Variants in C12orf42 observed in about 807,000 individuals in gnomAD.
The protein encoded by C12orf42 is uncharacterized protein C12orf42.
C12orf42 carries 25 observed loss-of-function variants against 21.6 expected under a neutral mutation model. The observed-to-expected ratio is 1.16, with a 90% CI of 0.84 to 1.62. The LOEUF (loss-of-function observed/expected upper bound fraction) is 1.62, where lower values mean the gene tolerates loss of function less well. Ranked by LOEUF, C12orf42 falls within the 40% of genes most tolerant of loss-of-function variation. The probability of loss-of-function intolerance (pLI) is 0.00; values close to 1 mark genes in which losing one functional copy is unlikely to be tolerated. For missense variants in C12orf42, 483 were observed against 459.3 expected, an observed-to-expected ratio of 1.05 and a Z score of -0.47; for synonymous variants, 174 against 175.0, an observed-to-expected ratio of 0.99 and a Z score of 0.05.
chr12:103,278,203 G>T (rs983904252), intron 4 of C12orf42, among the ~76,000 whole-genome samples: 1 of 151,990 alleles, frequency 6.6e-6, no homozygotes, highest in African/African-American at 2.4e-5. Context: ...ACAATGGGGG[G>T]GCTATGTCTA....
chr12:103,123,988 G>A, the C12orf42 span, among the ~76,000 whole-genome samples: 1 of 151,828 alleles, frequency 6.6e-6, no homozygotes, highest in East Asian at 1.9e-4. Flanking sequence ...ACTTGAAGAA[G>A]TCCAGGTTCC....
At chr12:103,375,552 C>T (rs2045619602) in intron 3 of C12orf42, among the ~76,000 whole-genome samples, 1 of 152,046 alleles carries the variant, frequency 6.6e-6, no homozygotes, top group Non-Finnish European at 1.5e-5. Flanking sequence ...GGCTTATGAT[C>T]AATTAGGATA....
chr12:103,076,733 T>C, the C12orf42 span, among the ~76,000 whole-genome samples: 2 of 152,236 alleles, frequency 1.3e-5, no homozygotes, highest in African/African-American at 4.8e-5. Flanking sequence ...GAAATGTATA[T>C]ATAGCATTCA....
At chr12:103,272,702 TGA>T (rs1487700455) in intron 5 of C12orf42, among the ~76,000 whole-genome samples, 1 of 152,160 alleles carries the variant, frequency 6.6e-6, no homozygotes, top group Non-Finnish European at 1.5e-5. Flanking sequence ...TTTGAATCAC[TGA>T]GAGTCTATTT....
At chr12:103,168,994 A>C in the C12orf42 span, among the ~76,000 whole-genome samples, 2 of 151,956 alleles carry the variant, frequency 1.3e-5, no homozygotes, top group Non-Finnish European at 2.9e-5. Context: ...GGAACATCAC[A>C]CACTGGAGCC....
the C12orf42 span, among the ~76,000 whole-genome samples, chr12:103,120,227 G>C: frequency 6.6e-6 from 1 of 152,194 alleles, no homozygotes; most frequent in African/African-American, 2.4e-5. Flanking sequence ...GGGGCAATGT[G>C]TTAAGTGCAA....
chr12:103,563,649 C>G, the C12orf42 span, among the ~76,000 whole-genome samples: 2 of 152,182 alleles, frequency 1.3e-5, no homozygotes, highest in Non-Finnish European at 2.9e-5. Flanking sequence ...TGACTCACCT[C>G]TGCTCCACAA....
chr12:103,554,832 C>T, the C12orf42 span, among the ~76,000 whole-genome samples: 1 of 152,192 alleles, frequency 6.6e-6, no homozygotes, highest in African/African-American at 2.4e-5. Context: ...GCCAATGATC[C>T]AGTCACCTTC....
At chr12:103,531,321 C>A in the C12orf42 span, among the ~76,000 whole-genome samples, 1 of 152,238 alleles carries the variant, frequency 6.6e-6, no homozygotes, top group South Asian at 2.1e-4. Flanking sequence ...CCTGCCACAT[C>A]CTGAGTTGTG....
the C12orf42 span, among the ~76,000 whole-genome samples, chr12:103,510,274 A>G: frequency 6.6e-6 from 1 of 152,204 alleles, no homozygotes; most frequent in African/African-American, 2.4e-5. Flanking sequence ...CCAAACATCA[A>G]ACATTCTCAC....
At chr12:103,534,792 C>G in the C12orf42 span, among the ~76,000 whole-genome samples, 70,901 of 151,960 alleles carry the variant, frequency 0.47, 16,940 homozygotes, top group Middle Eastern at 0.54. Context: ...TTTGTATAGC[C>G]AACAGCCTGG....
the C12orf42 span, chr12:103,559,377 G>C: frequency 2.6e-5 from 4 of 152,178 alleles, no homozygotes; most frequent in African/African-American, 9.7e-5. Context: ...TGGAAACTTG[G>C]GCCTGTTTTT....
chr12:103,296,369 G>T (rs2037286284), intron 4 of C12orf42, among the ~76,000 whole-genome samples: 1 of 152,088 alleles, frequency 6.6e-6, no homozygotes, highest in Non-Finnish European at 1.5e-5. Context: ...AATCCTTTGG[G>T]TATATACGCA....
rs565812512 is a variant in C12orf42, at chr12:103,321,800, G to A, written c.260-15455C>T. Reference sequence around the variant, plus strand: ...AAACACCACATATTCTCACTCATAGGTGGGAATTGAACAATGAGATCACAT... The same window carrying A: ...AAACACCACATATTCTCACTCATAGATGGGAATTGAACAATGAGATCACAT... On this transcript the variant is annotated intron_variant, in intron 4 of 5. Coordinates refer to ENST00000548883, the MANE Select transcript of C12orf42 (RefSeq NM_198521.5). Among the ~76,000 whole-genome samples the A allele has an allele frequency of 6.0e-5, 9 of 150,416 alleles. No homozygotes were observed. The South Asian group carries it at 1.5e-3, about 25-fold the overall frequency.
At chr12:103,505,414 C>T in the C12orf42 span, 1 of 355,070 alleles carries the variant, frequency 2.8e-6, no homozygotes, top group Non-Finnish European at 5.3e-6. Context: ...GTTACATTGA[C>T]TGGTAACCAC....
chr12:103,167,120 G>C, the C12orf42 span, among the ~76,000 whole-genome samples: 2 of 152,108 alleles, frequency 1.3e-5, no homozygotes, highest in African/African-American at 4.8e-5. Flanking sequence ...GACCCTGATA[G>C]TCTTAGTGGT....
intron 2 of C12orf42, among the ~76,000 whole-genome samples, chr12:103,403,092 G>A (rs1057341752): frequency 6.6e-6 from 1 of 152,102 alleles, no homozygotes; most frequent in African/African-American, 2.4e-5. Flanking sequence ...AAAGAATGCA[G>A]GGGCCAGGCA....
At chr12:103,472,925 T>G (rs1953742526) in intron 2 of C12orf42, among the ~76,000 whole-genome samples, 1 of 152,144 alleles carries the variant, frequency 6.6e-6, no homozygotes, top group South Asian at 2.1e-4. Context: ...GCACACATAT[T>G]CAAAATGAAG....
chr12:103,445,018 C>G (rs1951492398), intron 2 of C12orf42, among the ~76,000 whole-genome samples: 1 of 151,996 alleles, frequency 6.6e-6, no homozygotes, highest in Non-Finnish European at 1.5e-5. Context: ...CATAAACATA[C>G]ATGAACCCAC....
Sources: gnomAD v4.1 joint callset for allele counts (sites outside exome capture counted in the v4.1 genomes callset) on GRCh38, gnomAD v4.1.1 for gene constraint, MANE v1.5 for transcripts, NCBI Gene and HGNC (gene_info 2026-07-23, HGNC 2026-07-21) for gene names.